The following KCNN2 variants were observed in gnomAD, a reference collection of about 807,000 sequenced individuals.
KCNN2 encodes the protein small conductance calcium-activated potassium channel protein 2.
A neutral mutation model predicts 55.5 loss-of-function variants in KCNN2; 24 were observed. That is an observed-to-expected ratio of 0.43 (90% confidence interval 0.31 to 0.61). The LOEUF (loss-of-function observed/expected upper bound fraction) is 0.61. KCNN2 is among the 20% of genes least tolerant of loss of function. The pLI, the probability that KCNN2 is intolerant of heterozygous loss-of-function variation, is 0.08. For missense variants in KCNN2, 754 were observed against 853.6 expected, an observed-to-expected ratio of 0.88 and a Z score of 1.45; for synonymous variants, 431 against 336.1, an observed-to-expected ratio of 1.28 and a Z score of -3.09.
rs189049403 is a variant in KCNN2 at position 114,111,007 on chromosome 5, G to T, written c.-271+54507G>T. Among the ~76,000 whole-genome samples the T allele has an allele frequency of 6.2e-3, 949 of 152,178 alleles. 8 individuals are homozygous for T. Among genetic ancestry groups the T allele is most frequent in the African/African-American group, 0.021 (885 of 41,528 alleles). ...AAAGTTCATATGGAACCAAAAAAGAGCCTGCATTGCCAAGACAATTCCTAA... is the reference window on the plus strand; with the variant it reads ...AAAGTTCATATGGAACCAAAAAAGATCCTGCATTGCCAAGACAATTCCTAA... On this transcript the variant is annotated intron_variant, in intron 1 of 10. Transcript: ENST00000512097.
At chr5:114,155,420 G>A (rs1752610154) in intron 1 of KCNN2, among the ~76,000 whole-genome samples, 1 of 152,110 alleles carries the variant, frequency 6.6e-6, no homozygotes, top group Admixed American at 6.6e-5. Context: ...GAGATTGCGG[G>A]TCAAATGTTA....
chr5:114,377,260 A>G (rs757619705), intron 2 of KCNN2, among the ~76,000 whole-genome samples: 28 of 152,004 alleles, frequency 1.8e-4, no homozygotes, highest in Non-Finnish European at 3.8e-4. Flanking sequence ...ATTCCTGGGA[A>G]CATCTGCTGT....
At chr5:114,124,215 T>C (rs1295412982) in intron 1 of KCNN2, among the ~76,000 whole-genome samples, 1 of 152,206 alleles carries the variant, frequency 6.6e-6, no homozygotes, top group Non-Finnish European at 1.5e-5. Flanking sequence ...CAAAAAGGTT[T>C]TGGACATTCA....
At chr5:114,253,123 TC>T (rs1754907287) in intron 2 of KCNN2, among the ~76,000 whole-genome samples, 1 of 75,078 alleles carries the variant, frequency 1.3e-5, no homozygotes, top group Non-Finnish European at 2.5e-5. Flanking sequence ...TTCTTTTTTT[TC>T]TTGCTTTCTT....
intron 2 of KCNN2, among the ~76,000 whole-genome samples, chr5:114,290,950 A>G (rs1056636171): frequency 3.3e-5 from 5 of 152,022 alleles, no homozygotes; most frequent in African/African-American, 4.8e-5. Context: ...CATGTTTTAT[A>G]TGGTTGCAAT....
chr5:114,182,996 A>T (rs1281991059), intron 1 of KCNN2, among the ~76,000 whole-genome samples: 1 of 152,086 alleles, frequency 6.6e-6, no homozygotes, highest in African/African-American at 2.4e-5. Context: ...TTAGCTGTAG[A>T]TTTTTTATAG....
rs183055779 is a variant in KCNN2, at chr5:114,346,236, C to T, written c.-184-14709C>T. Among the ~76,000 whole-genome samples, 193 of 152,256 alleles carry T rather than the reference C, an allele frequency of 1.3e-3. 1 individual carries two copies. The highest frequency in any genetic ancestry group is 1.2e-4 in the Non-Finnish European group (8 of 68,024). Reference sequence around the variant, plus strand: ...GTGAAGACAGAATCAAGCCATGCGACGACAACACCAAGCCATGAGAAATTT... The same window carrying T: ...GTGAAGACAGAATCAAGCCATGCGATGACAACACCAAGCCATGAGAAATTT... On this transcript the variant is annotated intron_variant, in intron 2 of 10. Coordinates refer to the KCNN2 transcript ENST00000512097.
chr5:114,241,750 A>G (rs1235514407), intron 2 of KCNN2, among the ~76,000 whole-genome samples: 11 of 11,274 alleles, frequency 9.8e-4, no homozygotes, highest in African/African-American at 2.1e-3. Context: ...ACGTATATAT[A>G]TGTATATATA....
In KCNN2 at chr5:114,179,408, A is replaced by G. The variant is rs116419120; in HGVS notation, c.-270-42072A>G. On this transcript the variant is annotated intron_variant, in intron 1 of 10. Transcript: ENST00000512097. ...GCTTTCCCCAGAGTGATATAAGAGA[A>G]AGAAAGGAGAGAACAAGAGTACCTC... Among the ~76,000 whole-genome samples the G allele has an allele frequency of 2.8e-3, 427 of 152,334 alleles. 3 individuals carry two copies. Among genetic ancestry groups the G allele is most frequent in the African/African-American group, 9.8e-3 (407 of 41,582 alleles).
At chr5:114,280,502 T>C (rs1424033124) in intron 2 of KCNN2, among the ~76,000 whole-genome samples, 1 of 152,200 alleles carries the variant, frequency 6.6e-6, no homozygotes, top group Non-Finnish European at 1.5e-5. Context: ...GGGATCCAGT[T>C]TCAGCTTTCT....
At chr5:114,181,487 T>C (rs1185325006) in intron 1 of KCNN2, among the ~76,000 whole-genome samples, 1 of 152,350 alleles carries the variant, frequency 6.6e-6, no homozygotes, top group African/African-American at 2.4e-5. Context: ...TTTCACATTC[T>C]GGACAGCAGA....
At position 114,368,512 on chromosome 5, in the gene KCNN2, G is replaced by T. The variant is rs1467521096; in HGVS notation, c.1218+4511G>T. On this transcript the variant is annotated intron_variant, in intron 2 of 7. Coordinates refer to ENST00000673685, the MANE Select transcript of KCNN2 (RefSeq NM_021614.4). Reference sequence around the variant, plus strand: ...AGGGGTGGTCCCTGTCTACTAGTAGGCTCTGTGGTTTGCTATGTGAAGGCT... The same window carrying T: ...AGGGGTGGTCCCTGTCTACTAGTAGTCTCTGTGGTTTGCTATGTGAAGGCT... Among the ~76,000 whole-genome samples, 3 of 152,128 alleles carry T rather than the reference G, an allele frequency of 2.0e-5. No homozygotes were observed. The East Asian group carries it at 5.8e-4, about 29-fold the overall frequency.
chr5:114,124,710 A>C (rs887389854), intron 1 of KCNN2, among the ~76,000 whole-genome samples: 4 of 152,074 alleles, frequency 2.6e-5, no homozygotes, highest in African/African-American at 7.2e-5. Flanking sequence ...CTCTATTCTC[A>C]ACATCTTTTC....
At chr5:114,111,163 A>G (rs530278022) in intron 1 of KCNN2, among the ~76,000 whole-genome samples, 48 of 152,282 alleles carry the variant, frequency 3.2e-4, no homozygotes, top group Admixed American at 5.2e-4. Context: ...CAGAGGCCTC[A>G]GAAATAACAC....
At chr5:114,071,052 T>C (rs1192342870) in intron 1 of KCNN2, among the ~76,000 whole-genome samples, 3 of 152,252 alleles carry the variant, frequency 2.0e-5, no homozygotes, top group Admixed American at 2.0e-4. Flanking sequence ...GCTAGCCATA[T>C]ACATATGTAT....
chr5:114,404,947 G>T, intron 3 of KCNN2, 91 bp downstream of exon 3: 1 of 1,130,090 alleles, frequency 8.8e-7, no homozygotes, highest in Non-Finnish European at 1.3e-6. Context: ...GACGTGTAGT[G>T]TCTCACTCTT....
intron 3 of KCNN2, among the ~76,000 whole-genome samples, chr5:114,429,157 AG>A (rs770769095): frequency 2.1e-4 from 32 of 152,258 alleles, no homozygotes; most frequent in South Asian, 6.2e-4. Context: ...TGTCTTCCAA[AG>A]TGACATACCA....
intron 2 of KCNN2, among the ~76,000 whole-genome samples, chr5:114,275,250 G>A (rs963615431): frequency 1.3e-5 from 2 of 152,060 alleles, no homozygotes; most frequent in African/African-American, 4.8e-5. Context: ...ATTTTATTGA[G>A]GATTTTTACG....
At chr5:114,207,668 A>G (rs1753802469) in intron 1 of KCNN2, among the ~76,000 whole-genome samples, 1 of 152,212 alleles carries the variant, frequency 6.6e-6, no homozygotes, top group Non-Finnish European at 1.5e-5. Context: ...CATTTCTAAT[A>G]CACTGCATCT....
Sources: gnomAD v4.1 joint callset for allele counts (sites outside exome capture counted in the v4.1 genomes callset) on GRCh38, gnomAD v4.1.1 for gene constraint, MANE v1.5 for transcripts, NCBI Gene and HGNC (gene_info 2026-07-23, HGNC 2026-07-21) for gene names.